ZNF804B: variants seen among roughly 807,000 people sequenced by gnomAD.
The protein encoded by ZNF804B is zinc finger 804B.
ZNF804B carries 80 observed loss-of-function variants against 101.4 expected under a neutral mutation model. That is an observed-to-expected ratio of 0.79 (90% CI 0.66 to 0.95). ZNF804B has a LOEUF of 0.95. ZNF804B is among the 40% of genes least tolerant of loss of function. The probability of loss-of-function intolerance (pLI) is 0.00; values close to 1 mark genes in which losing one functional copy is unlikely to be tolerated. For missense variants in ZNF804B, 1,673 were observed against 1,561.9 expected, an observed-to-expected ratio of 1.07 and a Z score of -1.20; for synonymous variants, 622 against 558.8, an observed-to-expected ratio of 1.11 and a Z score of -1.59.
Position 89,134,797 on chromosome 7 carries a change from A to C in ZNF804B, c.109-83358A>C, listed in dbSNP as rs143952318. On this transcript the variant is annotated intron_variant, in intron 1 of 3. Transcript: ENST00000333190. ...AATAACCCATATTTTATTGCTCTTAATTTTATGTATAACCAAACATCCTGT... is the reference window on the plus strand; with the variant it reads ...AATAACCCATATTTTATTGCTCTTACTTTTATGTATAACCAAACATCCTGT... Among the ~76,000 whole-genome samples the C allele has an allele frequency of 3.4e-3, 508 of 151,362 alleles. 1 individual carries two copies. The highest frequency in any genetic ancestry group is 5.4e-3 in the Non-Finnish European group (366 of 67,764).
intron 1 of ZNF804B, among the ~76,000 whole-genome samples, chr7:89,028,979 T>G (rs1788789036): frequency 6.6e-6 from 1 of 152,186 alleles, no homozygotes; most frequent in Non-Finnish European, 1.5e-5. Flanking sequence ...TGCAAATTAT[T>G]TAGCAAAGTG....
At chr7:89,098,110 T>C (rs1182342982) in intron 1 of ZNF804B, among the ~76,000 whole-genome samples, 3 of 152,084 alleles carry the variant, frequency 2.0e-5, no homozygotes, top group Non-Finnish European at 4.4e-5. Context: ...ACATTTTCTT[T>C]TATTGATGGG....
intron 1 of ZNF804B, among the ~76,000 whole-genome samples, chr7:88,885,431 A>G (rs1417912119): frequency 6.6e-6 from 1 of 151,472 alleles, no homozygotes; most frequent in Admixed American, 6.6e-5. Flanking sequence ...GCTAAACAAT[A>G]CAATATTGCT....
At chr7:89,218,121 A>C (rs1053296366) in intron 1 of ZNF804B, 34 bp from the exon 2 acceptor site, 2 of 1,598,328 alleles carry the variant, frequency 1.3e-6, no homozygotes, top group African/African-American at 2.8e-5. Context: ...ATTAGAGAGA[A>C]GTCTAACCAA....
At chr7:88,893,364 A>G (rs1476030566) in intron 1 of ZNF804B, among the ~76,000 whole-genome samples, 1 of 152,110 alleles carries the variant, frequency 6.6e-6, no homozygotes, top group Non-Finnish European at 1.5e-5. Flanking sequence ...CACAGATTTA[A>G]AATTTTATTA....
intron 1 of ZNF804B, among the ~76,000 whole-genome samples, chr7:89,186,658 T>A (rs1419103426): frequency 6.6e-6 from 1 of 152,114 alleles, no homozygotes; most frequent in Non-Finnish European, 1.5e-5. Context: ...GCAAACAACT[T>A]TGTTCGTGTC....
intron 1 of ZNF804B, among the ~76,000 whole-genome samples, chr7:89,064,930 A>T (rs1789435924): frequency 6.6e-6 from 1 of 152,212 alleles, no homozygotes; most frequent in Non-Finnish European, 1.5e-5. Flanking sequence ...GGCTGGGCAC[A>T]GATTTTCATG....
intron 1 of ZNF804B, among the ~76,000 whole-genome samples, chr7:89,102,614 G>T (rs888808579): frequency 6.6e-6 from 1 of 151,674 alleles, no homozygotes; most frequent in Non-Finnish European, 1.5e-5. Context: ...TTGTAAACAG[G>T]TTCTCCCATT....
rs1790726126 is a variant in ZNF804B, at chr7:88,808,444, T to C, written c.108+48360T>C. Among the ~76,000 whole-genome samples, 4 of 152,098 alleles carry C rather than the reference T, an allele frequency of 2.6e-5. No homozygotes were observed. The South Asian group carries it at 8.3e-4, about 32-fold the overall frequency. On this transcript the variant is annotated intron_variant, in intron 1 of 3. Coordinates refer to ENST00000333190, the MANE Select transcript of ZNF804B (RefSeq NM_181646.5). Reference sequence around the variant, plus strand: ...TGGATTTTTTTTTAAGTAGGTCTTCTTTCCTAGGCATTGTCAGTAAGTATT... The same window carrying C: ...TGGATTTTTTTTTAAGTAGGTCTTCCTTCCTAGGCATTGTCAGTAAGTATT...
intron 1 of ZNF804B, among the ~76,000 whole-genome samples, chr7:89,161,262 C>T (rs1791058184): frequency 6.6e-6 from 1 of 151,912 alleles, no homozygotes; most frequent in African/African-American, 2.4e-5. Context: ...CAGGATGCAT[C>T]TAGAGGAAGT....
At chr7:89,110,817 T>C (rs769188201) in intron 1 of ZNF804B, among the ~76,000 whole-genome samples, 3 of 152,192 alleles carry the variant, frequency 2.0e-5, no homozygotes, top group Non-Finnish European at 4.4e-5. Flanking sequence ...CCATTACAGT[T>C]ACAGTATTGT....
At chr7:89,268,703 G>C (rs989176776) in intron 2 of ZNF804B, among the ~76,000 whole-genome samples, 1 of 152,010 alleles carries the variant, frequency 6.6e-6, no homozygotes, top group Admixed American at 6.6e-5. Context: ...AATCCAGTAT[G>C]TGAAAATGGG....
intron 2 of ZNF804B, among the ~76,000 whole-genome samples, chr7:89,288,527 T>C (rs774629950): frequency 6.6e-6 from 1 of 152,158 alleles, no homozygotes; most frequent in African/African-American, 2.4e-5. Flanking sequence ...CTTTTAACGA[T>C]GCAATAATCA....
At chr7:88,778,993 AAG>A (rs1790186243) in intron 1 of ZNF804B, among the ~76,000 whole-genome samples, 2 of 152,168 alleles carry the variant, frequency 1.3e-5, no homozygotes, top group South Asian at 4.1e-4. Context: ...GAATATTCTA[AAG>A]AGAGGACAAT....
chr7:89,336,441 C>A lies in ZNF804B; in HGVS notation c.3459C>A (p.Asp1153Glu), dbSNP rs76889726. 32 of 1,613,974 alleles carry A rather than the reference C, an allele frequency of 2.0e-5. No individual in the cohort carries two copies. In the East Asian group the frequency reaches 6.9e-4, roughly 35 times the overall value. Residue 1153 changes from aspartate to glutamate, a missense_variant, in exon 4 of 4, where the codon GAC (aspartate) becomes GAA (glutamate). Coordinates refer to ENST00000333190, the MANE Select transcript of ZNF804B (RefSeq NM_181646.5). Reference protein sequence around the residue: ...LIQQPITFSPDEIDKYKILQL... With the variant: ...LIQQPITFSPEEIDKYKILQL... ...AACAGCCCATAACATTTTCTCCTGA[C>A]GAAATAGATAAATATAAGATCCTAC...
chr7:88,853,775 T>G (rs1791480287), intron 1 of ZNF804B, among the ~76,000 whole-genome samples: 1 of 152,070 alleles, frequency 6.6e-6, no homozygotes, highest in African/African-American at 2.4e-5. Flanking sequence ...ATAATAACCT[T>G]CATAAAGCTG....
At chr7:89,208,054 A>AT (rs1788741205) in intron 1 of ZNF804B, among the ~76,000 whole-genome samples, 1 of 143,464 alleles carries the variant, frequency 7.0e-6, no homozygotes, top group African/African-American at 2.6e-5. Flanking sequence ...TCATTGGTTT[A>AT]TGTGTGTTAT....
chr7:88,783,131 T>A (rs1790254555), intron 1 of ZNF804B, among the ~76,000 whole-genome samples: 1 of 152,152 alleles, frequency 6.6e-6, no homozygotes. Context: ...TTCAAAACTT[T>A]GTCTCTTACA....
At chr7:89,054,959 A>G (rs1584098106) in intron 1 of ZNF804B, among the ~76,000 whole-genome samples, 1 of 152,094 alleles carries the variant, frequency 6.6e-6, no homozygotes, top group East Asian at 1.9e-4. Flanking sequence ...CCATGTAGTC[A>G]TTACCTTCTA....
Sources: gnomAD v4.1 joint callset for allele counts (sites outside exome capture counted in the v4.1 genomes callset) on GRCh38, gnomAD v4.1.1 for gene constraint, MANE v1.5 for transcripts, NCBI Gene and HGNC (gene_info 2026-07-23, HGNC 2026-07-21) for gene names.